The following LYRM4 variants were observed in gnomAD, a reference collection of about 807,000 sequenced individuals.
LYRM4 encodes LYR motif-containing protein 4.
LYRM4 carries 9 observed loss-of-function variants against 11.7 expected under a neutral mutation model. The observed-to-expected ratio is 0.77, with a 90% CI of 0.46 to 1.34. The LOEUF (loss-of-function observed/expected upper bound fraction) is 1.34. LYRM4 is among the 40% of genes most tolerant of loss of function. LYRM4 has a pLI of 0.00. For synonymous variants in LYRM4, 42 were observed against 40.4 expected, an observed-to-expected ratio of 1.04 and a Z score of -0.15; for missense variants, 133 against 112.5, an observed-to-expected ratio of 1.18 and a Z score of -0.82.
chr6:5,196,497 A>G (rs1761064493), intron 2 of LYRM4, among the ~76,000 whole-genome samples: 1 of 152,198 alleles, frequency 6.6e-6, no homozygotes. Context: ...ACTGCAGCTC[A>G]CGAAGCTTCC....
intron 2 of LYRM4, chr6:5,136,434 A>C (rs1442136561): frequency 2.0e-6 from 2 of 982,856 alleles, no homozygotes; most frequent in Non-Finnish European, 2.4e-6. Flanking sequence ...GTCCCAAGAC[A>C]AACCTGGTTT....
At chr6:5,120,146 C>A (rs906270722) in intron 2 of LYRM4, among the ~76,000 whole-genome samples, 1 of 152,126 alleles carries the variant, frequency 6.6e-6, no homozygotes, top group Non-Finnish European at 1.5e-5. Flanking sequence ...CCATCCACCT[C>A]GGCCTCCCAA....
rs61143012 is a variant in LYRM4, at chr6:5,141,945, G to A, written c.208-32454C>T. 2.4e-3 allele frequency among the ~76,000 whole-genome samples: 358 copies of A among 152,224 alleles called. 13 individuals carry two copies. The East Asian group carries it at 0.061, about 26-fold the overall frequency. ...CCAGAAGCAGAGCTGACCCACAAACGCACCTATTTACCCAGCACAAACCCA... is the reference window on the plus strand; with the variant it reads ...CCAGAAGCAGAGCTGACCCACAAACACACCTATTTACCCAGCACAAACCCA... On this transcript the variant is annotated intron_variant, in intron 2 of 2. Transcript: ENST00000330636.
chr6:5,252,284 A>G (rs968300715), intron 1 of LYRM4, among the ~76,000 whole-genome samples: 2 of 152,138 alleles, frequency 1.3e-5, no homozygotes, highest in Non-Finnish European at 2.9e-5. Context: ...GCCCACGGGG[A>G]GCGAGGCGGC....
At chr6:5,134,058 C>G (rs1380698433) in intron 2 of LYRM4, among the ~76,000 whole-genome samples, 1 of 152,208 alleles carries the variant, frequency 6.6e-6, no homozygotes, top group African/African-American at 2.4e-5. Flanking sequence ...AATAGTGCTG[C>G]TGTGAACATA....
chr6:5,079,395 T>C, the LYRM4 span, among the ~76,000 whole-genome samples: 1 of 152,246 alleles, frequency 6.6e-6, no homozygotes, highest in Non-Finnish European at 1.5e-5. Flanking sequence ...ATCTTTCTTA[T>C]AGAATATTTA....
intron 2 of LYRM4, among the ~76,000 whole-genome samples, chr6:5,193,314 A>C (rs1760872516): frequency 6.6e-6 from 1 of 152,100 alleles, no homozygotes; most frequent in Admixed American, 6.5e-5. Flanking sequence ...GAAAACAAAA[A>C]AAAAACGCCT....
chr6:5,182,121 C>T (rs1360081358), intron 2 of LYRM4, among the ~76,000 whole-genome samples: 1 of 152,184 alleles, frequency 6.6e-6, no homozygotes, highest in Non-Finnish European at 1.5e-5. Flanking sequence ...GTGCCCTGTC[C>T]AGGAATCAGG....
chr6:5,109,403 GGTGGCTGGTC>G lies in LYRM4; in HGVS notation c.*10_*19del. ...CTGAAGGTGGTCCCTGGCCGCCACT[GGTGGCTGGTC>G]CCCGGCTTGCTAGGTCCTGGGCATG... On this transcript the variant is annotated 3_prime_UTR_variant, in exon 3 of 3. Transcript: ENST00000330636. The G allele has an allele frequency of 6.2e-7, 1 of 1,613,772 alleles. No individual in the cohort carries two copies. The highest frequency in any genetic ancestry group is 8.5e-7 in the Non-Finnish European group (1 of 1,179,756).
At chr6:5,090,831 C>T in the LYRM4 span, among the ~76,000 whole-genome samples, 7 of 152,300 alleles carry the variant, frequency 4.6e-5, no homozygotes, top group African/African-American at 1.2e-4. The surrounding 1 kb of genome is among the most constrained non-coding windows in gnomAD (Gnocchi z 4.8). Context: ...TCTAGCACAA[C>T]GGTTTCTATT....
At chr6:5,195,588 A>T (rs1371130251) in intron 2 of LYRM4, among the ~76,000 whole-genome samples, 1 of 152,130 alleles carries the variant, frequency 6.6e-6, no homozygotes, top group East Asian at 1.9e-4. Flanking sequence ...GAGCTGAGAT[A>T]GCGCCACTGC....
rs138302966 is a variant in LYRM4 at position 5,194,991 on chromosome 6, C to T, written c.207+21627G>A. Among the ~76,000 whole-genome samples the T allele has an allele frequency of 7.8e-4, 119 of 152,310 alleles. 2 individuals are homozygous for T. The highest frequency in any genetic ancestry group is 2.4e-3 in the African/African-American group (98 of 41,572). On this transcript the variant is annotated intron_variant, in intron 2 of 2. Transcript: ENST00000330636. ...GACTTTAAACTTTTAAAACTGTTTA[C>T]GTCATTAGCAAGAAACTGTTACACA...
the LYRM4 span, among the ~76,000 whole-genome samples, chr6:5,076,626 G>A: frequency 6.6e-6 from 1 of 152,190 alleles, no homozygotes; most frequent in Non-Finnish European, 1.5e-5. Context: ...AATGGGGTTG[G>A]GATGGTATCA....
the LYRM4 span, chr6:5,034,187 T>C: frequency 6.6e-6 from 1 of 152,318 alleles, no homozygotes; most frequent in Non-Finnish European, 1.5e-5. Flanking sequence ...GTTGTAGTGC[T>C]GTTGGCAGTA....
At chr6:5,153,622 C>T (rs540530196) in intron 2 of LYRM4, among the ~76,000 whole-genome samples, 20 of 152,168 alleles carry the variant, frequency 1.3e-4, no homozygotes, top group African/African-American at 2.2e-4. Context: ...GAAATACACA[C>T]GGACACTCTT....
chr6:5,244,859 C>T (rs775134252), intron 1 of LYRM4, among the ~76,000 whole-genome samples: 44 of 151,196 alleles, frequency 2.9e-4, no homozygotes, highest in Non-Finnish European at 5.5e-4. Context: ...ATGGCACTGA[C>T]GGGGGTAGCT....
rs750409739 is a variant in LYRM4 at position 5,109,320 on chromosome 6, C to T, written c.*103G>A. The T allele has an allele frequency of 1.2e-5, 19 of 1,581,588 alleles. No homozygotes were observed. The highest frequency in any genetic ancestry group is 4.5e-5 in the South Asian group (4 of 87,940). Reference sequence around the variant, plus strand: ...TTATCAGCTCCCACAGGACAGGCAGCGCAAAAGGCTATTGTAAGCTGGTTT... The same window carrying T: ...TTATCAGCTCCCACAGGACAGGCAGTGCAAAAGGCTATTGTAAGCTGGTTT... On this transcript the variant is annotated 3_prime_UTR_variant, in exon 3 of 3. Coordinates refer to ENST00000330636, the MANE Select transcript of LYRM4 (RefSeq NM_020408.6).
chr6:5,259,908 GA>G (rs1337825575), intron 1 of LYRM4, among the ~76,000 whole-genome samples: 2 of 152,150 alleles, frequency 1.3e-5, no homozygotes. Context: ...CTCTGAATTA[GA>G]AAAAACATAC....
chr6:5,154,779 A>C lies in LYRM4; in HGVS notation c.208-45288T>G, dbSNP rs111711146. Among the ~76,000 whole-genome samples, 587 of 152,266 alleles carry C rather than the reference A, an allele frequency of 3.9e-3. 4 individuals carry two copies. The highest frequency in any genetic ancestry group is 0.013 in the African/African-American group (524 of 41,558). ...GCTTGCAGTGAGCCGGGATCGCGCCACTGCACTCCAGCCTGGGCGACAGAG... is the reference window on the plus strand; with the variant it reads ...GCTTGCAGTGAGCCGGGATCGCGCCCCTGCACTCCAGCCTGGGCGACAGAG... On this transcript the variant is annotated intron_variant, in intron 2 of 2. Coordinates refer to ENST00000330636, the MANE Select transcript of LYRM4 (RefSeq NM_020408.6).
Sources: allele counts gnomAD v4.1 joint callset (sites outside exome capture counted in the v4.1 genomes callset), GRCh38; gene constraint gnomAD v4.1.1; non-coding constraint Gnocchi (gnomAD v3.1); transcripts MANE v1.5; gene names NCBI Gene and HGNC (gene_info 2026-07-23, HGNC 2026-07-21).